The following ZAP70 variants were observed in gnomAD, a reference collection of about 807,000 sequenced individuals.
ZAP70 encodes zeta chain of T cell receptor associated protein kinase 70, also known as tyrosine-protein kinase ZAP-70.
A neutral mutation model predicts 65.8 loss-of-function variants in ZAP70; 27 were observed. The ratio of observed to expected loss-of-function variants is 0.41; its 90% CI spans 0.30 to 0.57. The LOEUF is 0.57. ZAP70 is among the 20% of genes least tolerant of loss of function. The pLI is 0.28. For synonymous variants in ZAP70, 363 were observed against 360.8 expected (o/e 1.01, Z -0.07); for missense variants, 696 against 870.5 (o/e 0.80, Z 2.52).
chr2:97,735,040 G>A lies in ZAP70; in HGVS notation c.1083-210G>A, dbSNP rs55696030. ...TCACTTTGGATTCTTTTTGGCGATG[G>A]GCTGTTCCCGGTGAGCGATCCGGCT... On this transcript the variant is annotated intron_variant, in intron 9 of 13. Transcript: ENST00000264972. 3,143 of 672,396 alleles carry A rather than the reference G, an allele frequency of 4.7e-3. 11 individuals are homozygous for A. Among genetic ancestry groups the A allele is most frequent in the Middle Eastern group, 0.021 (51 of 2,416 alleles). The allele number at this position is 672,396 out of a possible 1,614,324, so 41.7% of individuals were successfully genotyped here.
chr2:97,749,489 T>C, the ZAP70 span, among the ~76,000 whole-genome samples: 1 of 152,104 alleles, frequency 6.6e-6, no homozygotes, highest in African/African-American at 2.4e-5. Context: ...GAGTTCCGGG[T>C]GGGCAATGAC....
At chr2:97,752,039 G>GT in the ZAP70 span, among the ~76,000 whole-genome samples, 2 of 152,168 alleles carry the variant, frequency 1.3e-5, no homozygotes, top group East Asian at 3.9e-4. Flanking sequence ...GTCATTAGAA[G>GT]TAAGTGGGGA....
chr2:97,733,096 C>G (rs750528566), intron 5 of ZAP70, 29 bp from the exon 6 acceptor site: 1 of 1,613,990 alleles, frequency 6.2e-7, no homozygotes, highest in Non-Finnish European at 8.5e-7. Flanking sequence ...AGGAGAGGAG[C>G]CTCTCTGCTA....
intron 2 of ZAP70, among the ~76,000 whole-genome samples, chr2:97,716,261 A>G (rs1167179688): frequency 6.6e-6 from 1 of 152,178 alleles, no homozygotes; most frequent in Non-Finnish European, 1.5e-5. Flanking sequence ...CCCAGGTGTC[A>G]GGTTCCACCG....
At position 97,720,418 on chromosome 2, in the gene ZAP70, C is replaced by T. The variant is rs760401627; in HGVS notation, c.-21-3598C>T. 6.6e-5 allele frequency among the ~76,000 whole-genome samples: 10 copies of T among 152,098 alleles called. No homozygotes were observed. In the South Asian group the frequency reaches 1.0e-3, roughly 16 times the overall value. ...AATTTTTTTGTATTTTTAATAGAGA[C>T]GGGGTTTCACCATGTTCGCCAGGCT... On this transcript the variant is annotated intron_variant, in intron 2 of 13. Transcript: ENST00000264972.
chr2:97,724,408 T>G lies in ZAP70; in HGVS notation c.372T>G (p.Arg124=), dbSNP rs199996419. 8 of 1,539,560 alleles carry G rather than the reference T, an allele frequency of 5.2e-6. No homozygotes were observed. The highest frequency in any genetic ancestry group is 7.0e-6 in the Non-Finnish European group (8 of 1,144,070). Residue 124 remains arginine (R), a synonymous_variant, in exon 3 of 14, where the codon CGT becomes CGG. Coordinates refer to ENST00000264972, the MANE Select transcript of ZAP70 (RefSeq NM_001079.4). The part of the protein sequence containing the change: ...VFDCLRDAMV[R]DYVRQTWKLE... ...ACTGCCTGCGAGACGCCATGGTGCG[T>G]GACTACGTGCGCCAGACGTGGAAGC...
chr2:97,741,255 C>T (rs72951170), downstream of ZAP70, among the ~76,000 whole-genome samples: 2,016 of 152,260 alleles, frequency 0.013, 48 homozygotes, highest in African/African-American at 0.046. Context: ...CCCAACAGTC[C>T]CCTGGAAGGT....
At chr2:97,744,531 G>C (rs1165617292), downstream of ZAP70, among the ~76,000 whole-genome samples, 1 of 152,172 alleles carries the variant, frequency 6.6e-6, no homozygotes, top group Non-Finnish European at 1.5e-5. Context: ...TTAGCACTTA[G>C]TAGCTGCTTA....
intron 2 of ZAP70, among the ~76,000 whole-genome samples, chr2:97,718,318 G>A (rs1008796939): frequency 1.3e-5 from 2 of 152,312 alleles, no homozygotes; most frequent in South Asian, 2.1e-4. Context: ...ACTGACAGCA[G>A]ACACTCCGGC....
chr2:97,733,352 G>A lies in ZAP70; in HGVS notation c.837+9G>A. ...CATCCACGTTGACTCATGTGAGTTG[G>A]GGGCACCTGGAGTGTGGCCTTGGGG... is the stretch of plus-strand genomic sequence containing the variant. On this transcript the variant is annotated intron_variant, in intron 7 of 13. Coordinates refer to ENST00000264972, the MANE Select transcript of ZAP70 (RefSeq NM_001079.4). 1.9e-6 allele frequency: 3 copies of A among 1,591,788 alleles called. No homozygotes were observed. Among genetic ancestry groups the A allele is most frequent in the Non-Finnish European group, 1.7e-6 (2 of 1,167,488 alleles).
At position 97,731,789 on chromosome 2, in the gene ZAP70, G is replaced by T. The variant is rs1375747845; in HGVS notation, c.564-1094G>T. Among the ~76,000 whole-genome samples the T allele has an allele frequency of 6.6e-6, 1 of 152,236 alleles. No homozygotes were observed. The highest frequency in any genetic ancestry group is 1.5e-5 in the Non-Finnish European group (1 of 68,046). On this transcript the variant is annotated intron_variant, in intron 4 of 13. Transcript: ENST00000264972. This position sits in a 1 kb window ranked among gnomAD's most constrained non-coding sequence, Gnocchi z 4.0. ...ACAGGCAGGGCCAGGCCTGGTCTGA[G>T]AATTTGCACCTTGGAGGGTGCAGCT...
At position 97,734,569 on chromosome 2, in the gene ZAP70, C is replaced by A. The variant is rs145218891; in HGVS notation, c.939C>A (p.Ser313Arg). 24 of 1,614,038 alleles carry A rather than the reference C, an allele frequency of 1.5e-5. No homozygotes were observed. The highest frequency in any genetic ancestry group is 1.6e-4 in the Middle Eastern group (1 of 6,084). Residue 313 changes from serine (S) to arginine (R), a missense_variant, in exon 9 of 14, where the codon AGC becomes AGA. Ser to Arg is a moderately radical substitution (Grantham distance 110). This residue lies in a region of ZAP70 where 551 missense variants were observed against 630.0 expected (regional missense o/e 0.87). Transcript: ENST00000264972. ...CGCGGCCGATGCCCATGGACACGAG[C>A]GTGTATGAGAGCCCCTACAGCGACC... is the stretch of plus-strand genomic sequence containing the variant. ...DKPRPMPMDT[S>R]VYESPYSDPE...
At chr2:97,734,291 G>A (rs527813151) in intron 8 of ZAP70, 27 of 1,272,910 alleles carry the variant, frequency 2.1e-5, no homozygotes, top group Middle Eastern at 2.8e-4. Context: ...CAATGCACAC[G>A]CCCCTAGAGT....
the ZAP70 span, among the ~76,000 whole-genome samples, chr2:97,754,029 T>C: frequency 1.3e-5 from 2 of 152,172 alleles, no homozygotes; most frequent in Non-Finnish European, 2.9e-5. Flanking sequence ...CATGTAAATA[T>C]AATTATATAC....
chr2:97,719,557 G>A (rs77272867), intron 2 of ZAP70, among the ~76,000 whole-genome samples: 2 of 151,246 alleles, frequency 1.3e-5, no homozygotes, highest in Admixed American at 6.6e-5. Flanking sequence ...ACAGCCTGGG[G>A]GGGGGGCGCA....
In ZAP70 at chr2:97,735,267, C is replaced by A; in HGVS notation, c.1100C>A (p.Ala367Asp). The A allele has an allele frequency of 6.2e-7, 1 of 1,613,968 alleles. No homozygotes were observed. The highest frequency in any genetic ancestry group is 8.5e-7 in the Non-Finnish European group (1 of 1,179,948). The change falls in exon 10 of 14, where the codon GCC becomes GAC. Residue 367 changes from alanine (A) to aspartate (D), a missense_variant. Ala to Asp is a moderately radical substitution (Grantham distance 126). Coordinates refer to ENST00000264972, the MANE Select transcript of ZAP70 (RefSeq NM_001079.4). ...TCGGGCAGGAAGCAGATCGACGTGG[C>A]CATCAAGGTGCTGAAGCAGGGCACG... Reference protein sequence around the residue: ...YRMRKKQIDVAIKVLKQGTEK... With the variant: ...YRMRKKQIDVDIKVLKQGTEK...
the ZAP70 span, among the ~76,000 whole-genome samples, chr2:97,755,909 G>A: frequency 6.6e-6 from 1 of 152,234 alleles, no homozygotes; most frequent in Admixed American, 6.5e-5. Flanking sequence ...CACAGTGGGT[G>A]CCATGTGAAT....
chr2:97,720,372 C>T (rs554927365), intron 2 of ZAP70, among the ~76,000 whole-genome samples: 7 of 152,226 alleles, frequency 4.6e-5, no homozygotes, highest in Admixed American at 3.3e-4. Context: ...GGACTACAGG[C>T]GCCCACCACC....
At chr2:97,732,848 CTCTAGGGGTTACAT>C (rs1482009657) in intron 4 of ZAP70, 21 bp from the exon 5 acceptor site, 1 of 1,612,924 alleles carries the variant, frequency 6.2e-7, no homozygotes, top group African/African-American at 1.3e-5. Context: ...CCCCAGGTGG[CTCTAGGGGTTACAT>C]CCCCTCCCTT....
Sources: gnomAD v4.1 joint callset for allele counts (sites outside exome capture counted in the v4.1 genomes callset) on GRCh38, gnomAD v4.1.1 for gene constraint, gnomAD v4.1.1 regional missense constraint, Gnocchi (gnomAD v3.1) non-coding constraint, MANE v1.5 for transcripts, NCBI Gene and HGNC (gene_info 2026-07-23, HGNC 2026-07-21) for gene names.